FLVCR1: variants seen among roughly 807,000 people sequenced by gnomAD.
The protein encoded by FLVCR1 is choline/ethanolamine transporter FLVCR1.
In FLVCR1, 34 loss-of-function variants were observed where a neutral mutation model predicts 53.6. The observed-to-expected ratio is 0.63, with a 90% CI of 0.48 to 0.84. The LOEUF (loss-of-function observed/expected upper bound fraction) is 0.84, where lower values mean the gene tolerates loss of function less well. Among genes scored for constraint, FLVCR1 ranks in the 40% least tolerant of loss-of-function variants. The probability of loss-of-function intolerance (pLI) is 0.00; values close to 1 mark genes in which losing one functional copy is unlikely to be tolerated. For synonymous variants in FLVCR1, 300 were observed against 286.3 expected, an observed-to-expected ratio of 1.05 and a Z score of -0.48; for missense variants, 677 against 696.7, an observed-to-expected ratio of 0.97 and a Z score of 0.32.
Position 212,886,323 on chromosome 1 carries a change from A to G in FLVCR1, c.1196+927A>G, listed in dbSNP as rs934866797. Among the ~76,000 whole-genome samples, 6 of 152,058 alleles carry G rather than the reference A, an allele frequency of 3.9e-5. No individual in the cohort carries two copies. In the East Asian group the frequency reaches 1.2e-3, roughly 29 times the overall value. On this transcript the variant is annotated intron_variant, in intron 5 of 9. Transcript: ENST00000366971. ...CTCCCAAAGTGCTGGGATTACAGGC[A>G]TGAGCCACTGCACCTGGCCTATGTT...
chr1:212,880,150 A>G (rs1292993849), intron 3 of FLVCR1, among the ~76,000 whole-genome samples: 1 of 152,166 alleles, frequency 6.6e-6, no homozygotes, highest in Non-Finnish European at 1.5e-5. Flanking sequence ...GTCCACGTGC[A>G]TTCTTGAGCT....
At chr1:212,860,728 G>A (rs538029311) in intron 1 of FLVCR1, among the ~76,000 whole-genome samples, 9 of 152,124 alleles carry the variant, frequency 5.9e-5, no homozygotes, top group African/African-American at 2.2e-4. Context: ...ATAGGAATGT[G>A]GTCTGAATGT....
At chr1:212,866,273 C>T (rs945058086) in intron 2 of FLVCR1, among the ~76,000 whole-genome samples, 3 of 151,940 alleles carry the variant, frequency 2.0e-5, no homozygotes, top group Non-Finnish European at 4.4e-5. Flanking sequence ...GCATGAGCCA[C>T]CGAGCCCGGC....
chr1:212,889,091 A>T, intron 7 of FLVCR1, 55 bp from the exon 8 acceptor site: 1 of 1,251,492 alleles, frequency 8.0e-7, no homozygotes, highest in Non-Finnish European at 1.2e-6. Context: ...AAAACTTTAT[A>T]CTTGCTTTAA....
At chr1:212,894,860 G>A in intron 8 of FLVCR1, 126 bp from the exon 9 acceptor site, 1 of 750,052 alleles carries the variant, frequency 1.3e-6, no homozygotes, top group Non-Finnish European at 2.5e-6. Flanking sequence ...TAGGCTGTTG[G>A]GATGCTATTA....
At chr1:212,881,966 C>T (rs543005534) in intron 3 of FLVCR1, among the ~76,000 whole-genome samples, 2 of 152,176 alleles carry the variant, frequency 1.3e-5, no homozygotes, top group African/African-American at 4.8e-5. Context: ...AAATCAAAGC[C>T]AGAGTAAGAT....
rs1254614879 is a variant in FLVCR1 at position 212,889,170 on chromosome 1, G to T, written c.1438G>T (p.Ala480Ser). The change falls in exon 8 of 10, where the codon GCT (alanine) becomes TCT (serine). Residue 480 changes from alanine to serine, a missense_variant. By Grantham distance (99) the Ala-to-Ser change is moderately conservative. Transcript: ENST00000366971. Reference protein sequence around the residue: ...AQIFGILFTLAQGKLTSDYGP... With the variant: ...AQIFGILFTLSQGKLTSDYGP... ...GATATTTGGAATTTTGTTCACATTG[G>T]CTCAAGGAAAGCTCACATCAGACTA... The T allele has an allele frequency of 4.3e-6, 7 of 1,612,658 alleles. No individual in the cohort carries two copies. In the Admixed American group the frequency reaches 1.0e-4, roughly 23 times the overall value.
At chr1:212,882,340 A>G (rs1664953171) in intron 3 of FLVCR1, among the ~76,000 whole-genome samples, 1 of 152,214 alleles carries the variant, frequency 6.6e-6, no homozygotes, top group Non-Finnish European at 1.5e-5. Flanking sequence ...CAACATGGAT[A>G]CATCTCAAAA....
At position 212,884,651 on chromosome 1, in the gene FLVCR1, TAC is replaced by T. The variant is rs1387138712; in HGVS notation, c.1093-640_1093-639del. Reference sequence around the variant, plus strand: ...GATTAACCTCCTTTTCAGATATCTATACAGTGTCATACCTTGCTTAGTGACAG... The same window carrying T: ...GATTAACCTCCTTTTCAGATATCTATAGTGTCATACCTTGCTTAGTGACAG... On this transcript the variant is annotated intron_variant, in intron 4 of 9. Transcript: ENST00000366971. Among the ~76,000 whole-genome samples, 187 of 152,346 alleles carry T rather than the reference TAC, an allele frequency of 1.2e-3. 2 individuals carry two copies. Among genetic ancestry groups the T allele is most frequent in the Non-Finnish European group, 1.6e-4 (11 of 68,034 alleles).
At chr1:212,893,078 C>CT (rs1558122704) in intron 8 of FLVCR1, among the ~76,000 whole-genome samples, 13 of 141,878 alleles carry the variant, frequency 9.2e-5, no homozygotes, top group East Asian at 4.4e-4. Flanking sequence ...GGGGGGGTGC[C>CT]GGAATGTTGC....
Position 212,858,922 on chromosome 1 carries a change from A to G in FLVCR1, c.470A>G (p.Tyr157Cys). ...DWLSMVYMLA[Y>C]VPLIFPATWL... Reference sequence around the variant, plus strand: ...CTGTCCATGGTGTACATGCTGGCCTACGTGCCCCTCATCTTCCCGGCCACC... The same window carrying G: ...CTGTCCATGGTGTACATGCTGGCCTGCGTGCCCCTCATCTTCCCGGCCACC... The change falls in exon 1 of 10, where the codon TAC becomes TGC. Residue 157 changes from tyrosine to cysteine, a missense_variant. Coordinates refer to ENST00000366971, the MANE Select transcript of FLVCR1 (RefSeq NM_014053.4). 6.2e-7 allele frequency: 1 copy of G among 1,614,204 alleles called. No homozygotes were observed. The highest frequency in any genetic ancestry group is 8.5e-7 in the Non-Finnish European group (1 of 1,180,032).
chr1:212,893,204 C>T (rs574510690), intron 8 of FLVCR1, among the ~76,000 whole-genome samples: 16 of 151,958 alleles, frequency 1.1e-4, no homozygotes, highest in African/African-American at 2.4e-4. Context: ...TACAGGTGCC[C>T]GCCACCACGC....
At chr1:212,864,168 A>G (rs1409926220) in intron 2 of FLVCR1, among the ~76,000 whole-genome samples, 1 of 152,156 alleles carries the variant, frequency 6.6e-6, no homozygotes, top group Non-Finnish European at 1.5e-5. Context: ...ATTCGCCTAC[A>G]TGGTCTGCAT....
intron 3 of FLVCR1, among the ~76,000 whole-genome samples, chr1:212,876,064 T>G (rs6669833): frequency 0.013 from 1,918 of 151,364 alleles, 28 homozygotes; most frequent in African/African-American, 0.044. Flanking sequence ...TATTTGTGTT[T>G]TTAGTAGAGA....
At chr1:212,869,771 G>A (rs1289889341) in intron 2 of FLVCR1, among the ~76,000 whole-genome samples, 1 of 152,194 alleles carries the variant, frequency 6.6e-6, no homozygotes, top group Non-Finnish European at 1.5e-5. Context: ...CTTGACCTCA[G>A]GTGAGTTGCC....
At chr1:212,878,586 TAATAAG>T (rs996784745) in intron 3 of FLVCR1, among the ~76,000 whole-genome samples, 1 of 149,028 alleles carries the variant, frequency 6.7e-6, no homozygotes, top group African/African-American at 2.5e-5. Context: ...CTATTAAAAC[TAATAAG>T]AATGAGTTAG....
chr1:212,875,713 C>T (rs1664734448), intron 3 of FLVCR1, among the ~76,000 whole-genome samples: 1 of 151,556 alleles, frequency 6.6e-6, no homozygotes, highest in African/African-American at 2.4e-5. Flanking sequence ...GGTGGGTGCG[C>T]ACCTATAGTC....
intron 2 of FLVCR1, among the ~76,000 whole-genome samples, chr1:212,866,219 AG>A (rs768569964): frequency 1.3e-5 from 2 of 151,946 alleles, no homozygotes; most frequent in Non-Finnish European, 2.9e-5. Context: ...TTCTGACCTC[AG>A]GTGATCTGCC....
At chr1:212,859,538 G>A (rs151337768) in intron 1 of FLVCR1, among the ~76,000 whole-genome samples, 41 of 151,844 alleles carry the variant, frequency 2.7e-4, no homozygotes, top group African/African-American at 8.7e-4. Flanking sequence ...GGCAACATGG[G>A]GAAACCCCGT....
Sources: allele counts gnomAD v4.1 joint callset (sites outside exome capture counted in the v4.1 genomes callset), GRCh38; gene constraint gnomAD v4.1.1; transcripts MANE v1.5; gene names NCBI Gene and HGNC (gene_info 2026-07-23, HGNC 2026-07-21).